The following DLGAP1 variants were observed in gnomAD, a reference collection of about 807,000 sequenced individuals.
DLGAP1 encodes the protein DLG associated protein 1, also known as disks large-associated protein 1.
DLGAP1 carries 11 observed loss-of-function variants against 90.8 expected under a neutral mutation model. The observed-to-expected ratio is 0.12, with a 90% CI of 0.08 to 0.20. DLGAP1 has a LOEUF of 0.20. Ranked by LOEUF, DLGAP1 falls within the 10% of genes least tolerant of loss-of-function variation. DLGAP1 has a pLI of 1.00. For synonymous variants in DLGAP1, 558 were observed against 540.7 expected (o/e 1.03, Z -0.44); for missense variants, 1,050 against 1,333.8 (o/e 0.79, Z 3.31).
At chr18:3,658,334 C>T (rs745461580) in intron 7 of DLGAP1, among the ~76,000 whole-genome samples, 2 of 152,158 alleles carry the variant, frequency 1.3e-5, no homozygotes, top group Non-Finnish European at 2.9e-5. Flanking sequence ...TCCAAAATGT[C>T]TGAAACTGTA....
At chr18:4,125,093 G>T (rs2076212274) in intron 2 of DLGAP1, among the ~76,000 whole-genome samples, 1 of 152,210 alleles carries the variant, frequency 6.6e-6, no homozygotes, top group Non-Finnish European at 1.5e-5. Flanking sequence ...AGCAAGGCAA[G>T]GGGTCACTTA....
intron 1 of DLGAP1, among the ~76,000 whole-genome samples, chr18:4,232,435 A>C (rs888967167): frequency 5.9e-5 from 9 of 152,284 alleles, no homozygotes; most frequent in Admixed American, 5.2e-4. Context: ...TCGATAATGA[A>C]CTTTTTGCAA....
At chr18:3,656,736 ATT>A (rs777850658) in intron 7 of DLGAP1, among the ~76,000 whole-genome samples, 8 of 145,112 alleles carry the variant, frequency 5.5e-5, no homozygotes, top group Admixed American at 2.7e-4. Context: ...TTTGCAGTGA[ATT>A]TTTTTTTTTT....
At chr18:3,953,015 A>G (rs1243453255) in intron 3 of DLGAP1, among the ~76,000 whole-genome samples, 1 of 152,228 alleles carries the variant, frequency 6.6e-6, no homozygotes, top group East Asian at 1.9e-4. Flanking sequence ...AGCCATCTCT[A>G]AGTTTATTAG....
chr18:4,371,042 C>T (rs889402301), intron 1 of DLGAP1, among the ~76,000 whole-genome samples: 10 of 152,086 alleles, frequency 6.6e-5, no homozygotes, highest in Non-Finnish European at 1.3e-4. Flanking sequence ...AATAACAAAA[C>T]AAAAAGATTC....
chr18:3,983,012 G>T (rs552920223), intron 3 of DLGAP1: 42 of 152,166 alleles, frequency 2.8e-4, no homozygotes, highest in Non-Finnish European at 5.7e-4. Context: ...CAGGAACAAA[G>T]GTTCCCAAAA....
chr18:4,092,149 G>C (rs1435441026), intron 2 of DLGAP1, among the ~76,000 whole-genome samples: 7 of 151,994 alleles, frequency 4.6e-5, no homozygotes. Flanking sequence ...TGTAGGTGGG[G>C]GCTATGGTAT....
At chr18:3,531,414 G>T (rs1427377174) in intron 10 of DLGAP1, among the ~76,000 whole-genome samples, 2 of 152,046 alleles carry the variant, frequency 1.3e-5, no homozygotes, top group East Asian at 3.9e-4. Context: ...TCCAGCCTGG[G>T]TGACAAGAGC....
chr18:3,935,720 T>C (rs759895168), intron 3 of DLGAP1, among the ~76,000 whole-genome samples: 2 of 152,218 alleles, frequency 1.3e-5, no homozygotes, highest in Non-Finnish European at 2.9e-5. Context: ...TGTGTTTACA[T>C]AGTAAAACTG....
intron 10 of DLGAP1, among the ~76,000 whole-genome samples, chr18:3,513,034 T>C (rs2050633585): frequency 6.6e-6 from 1 of 152,080 alleles, no homozygotes; most frequent in South Asian, 2.1e-4. Flanking sequence ...CCTTTCCCTC[T>C]CCCTCTACAT....
chr18:3,668,899 G>A (rs2059976962), intron 7 of DLGAP1, among the ~76,000 whole-genome samples: 1 of 152,060 alleles, frequency 6.6e-6, no homozygotes, highest in African/African-American at 2.4e-5. Flanking sequence ...GTAGGAGATC[G>A]TTTGAACCTG....
At chr18:4,316,904 G>T (rs868544820) in intron 1 of DLGAP1, among the ~76,000 whole-genome samples, 2 of 151,950 alleles carry the variant, frequency 1.3e-5, no homozygotes, top group Admixed American at 1.3e-4. Flanking sequence ...ATCAATTTGC[G>T]GTTGCCCCCG....
intron 7 of DLGAP1, among the ~76,000 whole-genome samples, chr18:3,709,831 T>C (rs1397051058): frequency 1.3e-5 from 2 of 152,186 alleles, no homozygotes; most frequent in Non-Finnish European, 2.9e-5. Flanking sequence ...TCTGCATTCC[T>C]ACCGTTGCCA....
At chr18:3,784,349 G>C (rs1245184484) in intron 5 of DLGAP1, among the ~76,000 whole-genome samples, 3 of 152,028 alleles carry the variant, frequency 2.0e-5, no homozygotes, top group Non-Finnish European at 2.9e-5. Context: ...CTGGGGGCCG[G>C]GTACTCACCA....
intron 1 of DLGAP1, among the ~76,000 whole-genome samples, chr18:4,323,247 T>C (rs1303380288): frequency 6.6e-6 from 1 of 152,176 alleles, no homozygotes; most frequent in African/African-American, 2.4e-5. Context: ...AGATATCACC[T>C]TATACTTGTA....
intron 5 of DLGAP1, among the ~76,000 whole-genome samples, chr18:3,812,370 C>A (rs917101518): frequency 2.9e-5 from 3 of 102,080 alleles, no homozygotes; most frequent in Non-Finnish European, 7.3e-5. Context: ...TTTATTTCCA[C>A]GAATTTTTTT....
chr18:3,586,236 G>C (rs994174384), intron 7 of DLGAP1, among the ~76,000 whole-genome samples: 7 of 152,146 alleles, frequency 4.6e-5, no homozygotes. Flanking sequence ...GGAGCTGAAT[G>C]GAGGGCAGGA....
At chr18:3,588,683 G>C (rs192676900) in intron 7 of DLGAP1, among the ~76,000 whole-genome samples, 42 of 151,472 alleles carry the variant, frequency 2.8e-4, no homozygotes, top group African/African-American at 9.9e-4. Context: ...AGGAGGCTGA[G>C]GCAGGAGAAT....
chr18:3,940,786 C>T (rs2072751611), intron 3 of DLGAP1, among the ~76,000 whole-genome samples: 1 of 152,192 alleles, frequency 6.6e-6, no homozygotes, highest in Non-Finnish European at 1.5e-5. Flanking sequence ...TCTGAAAAAT[C>T]ATTGCCTTAC....
Sources: gnomAD v4.1 joint callset for allele counts (sites outside exome capture counted in the v4.1 genomes callset) on GRCh38, gnomAD v4.1.1 for gene constraint, MANE v1.5 for transcripts, NCBI Gene and HGNC (gene_info 2026-07-23, HGNC 2026-07-21) for gene names.